The following TRAPPC9 variants were observed in gnomAD, a reference collection of about 807,000 sequenced individuals.
The protein encoded by TRAPPC9 is trafficking protein particle complex subunit 9.
A neutral mutation model predicts 124.0 loss-of-function variants in TRAPPC9; 83 were observed. The ratio of observed to expected loss-of-function variants is 0.67; its 90% confidence interval spans 0.56 to 0.80. The LOEUF is 0.80. Among genes scored for constraint, TRAPPC9 ranks in the 30% least tolerant of loss-of-function variants. TRAPPC9 has a pLI of 0.00. For synonymous variants in TRAPPC9, 638 were observed against 617.5 expected (o/e 1.03, Z -0.49); for missense variants, 1,302 against 1,508.3 (o/e 0.86, Z 2.27).
chr8:140,366,034 G>T (rs757480171), intron 8 of TRAPPC9, among the ~76,000 whole-genome samples: 4 of 152,170 alleles, frequency 2.6e-5, no homozygotes, highest in Non-Finnish European at 4.4e-5. Context: ...TTGGTTTTCT[G>T]TTCCTGCAGT....
At chr8:140,304,478 T>G (rs1303309594) in intron 10 of TRAPPC9, among the ~76,000 whole-genome samples, 1 of 152,044 alleles carries the variant, frequency 6.6e-6, no homozygotes, top group East Asian at 1.9e-4. Flanking sequence ...ATGAAGACAG[T>G]CCCGGATTTG....
intron 6 of TRAPPC9, among the ~76,000 whole-genome samples, chr8:140,399,222 T>C (rs555662964): frequency 4.6e-5 from 7 of 152,238 alleles, no homozygotes; most frequent in Non-Finnish European, 1.0e-4. Flanking sequence ...GCTAGGGCAG[T>C]GCAAAAGGGA....
At chr8:140,367,473 G>GA (rs1469447945) in intron 8 of TRAPPC9, among the ~76,000 whole-genome samples, 3 of 152,186 alleles carry the variant, frequency 2.0e-5, no homozygotes, top group African/African-American at 7.2e-5. Context: ...AAGCCAATTT[G>GA]AAAAGGCTAC....
At chr8:139,792,396 T>G (rs1822755567) in intron 21 of TRAPPC9, among the ~76,000 whole-genome samples, 1 of 152,216 alleles carries the variant, frequency 6.6e-6, no homozygotes, top group South Asian at 2.1e-4. Context: ...GCAGTCTGTG[T>G]GTGCCACACG....
At chr8:140,006,156 C>T (rs555183685) in intron 18 of TRAPPC9, among the ~76,000 whole-genome samples, 16 of 152,250 alleles carry the variant, frequency 1.1e-4, no homozygotes, top group African/African-American at 3.9e-4. Context: ...CAGATGGGAA[C>T]GTGGTGGCAT....
Position 139,732,098 on chromosome 8 carries a change from T to C in TRAPPC9, c.3160A>G (p.Ser1054Gly). The change falls in exon 22 of 23, where the codon AGC (serine) becomes GGC (glycine). Residue 1054 changes from serine to glycine, a missense_variant. This residue lies in a region of TRAPPC9 where 640 missense variants were observed against 679.3 expected (regional missense o/e 0.94). Coordinates refer to ENST00000438773, the MANE Select transcript of TRAPPC9 (RefSeq NM_001160372.4). ...ACAGTGAGGGCGAAGGGCCCTACGC[T>C]GCGCGGGCTCCGGTTGGTCAGCCGC... ...EVRLTNRSPR[S>G]VGPFALTVVP... 2 of 1,606,632 alleles carry C rather than the reference T, an allele frequency of 1.2e-6. No individual in the cohort carries two copies. The highest frequency in any genetic ancestry group is 1.7e-6 in the Non-Finnish European group (2 of 1,176,958).
intron 21 of TRAPPC9, among the ~76,000 whole-genome samples, chr8:139,784,296 C>G (rs1822027538): frequency 6.6e-6 from 1 of 152,088 alleles, no homozygotes; most frequent in East Asian, 1.9e-4. Flanking sequence ...CATATAGGCC[C>G]AGCGCAGTGG....
intron 19 of TRAPPC9, among the ~76,000 whole-genome samples, chr8:139,913,741 G>A (rs79410555): frequency 0.016 from 2,501 of 152,292 alleles, 39 homozygotes; most frequent in Non-Finnish European, 0.024. Context: ...AAGAAATCGA[G>A]TGACTCACCT....
chr8:139,959,946 A>G (rs1458679248), intron 19 of TRAPPC9, among the ~76,000 whole-genome samples: 1 of 152,204 alleles, frequency 6.6e-6, no homozygotes, highest in Non-Finnish European at 1.5e-5. Context: ...ACAGAGAGCA[A>G]GGGCTGTGGG....
At chr8:140,259,892 C>G (rs1030240468) in intron 15 of TRAPPC9, among the ~76,000 whole-genome samples, 4 of 152,192 alleles carry the variant, frequency 2.6e-5, no homozygotes, top group Non-Finnish European at 4.4e-5. Flanking sequence ...AGACATCACG[C>G]TTAGAACAGA....
chr8:140,034,733 C>T (rs1840765040), intron 17 of TRAPPC9, among the ~76,000 whole-genome samples: 1 of 152,254 alleles, frequency 6.6e-6, no homozygotes, highest in Non-Finnish European at 1.5e-5. Context: ...AGTCCTACCA[C>T]AATGCAGCAC....
chr8:140,328,086 C>G (rs1415828186), intron 9 of TRAPPC9, among the ~76,000 whole-genome samples: 1 of 152,096 alleles, frequency 6.6e-6, no homozygotes, highest in African/African-American at 2.4e-5. Context: ...GAAACCCCAT[C>G]TCTACTAAAA....
At chr8:140,201,670 TAC>T (rs2062792967) in intron 17 of TRAPPC9, among the ~76,000 whole-genome samples, 2 of 152,220 alleles carry the variant, frequency 1.3e-5, no homozygotes, top group Non-Finnish European at 2.9e-5. Flanking sequence ...AATTTAAAAA[TAC>T]AGTCATACTC....
In TRAPPC9 at chr8:139,995,861, TAA is replaced by T. The variant is rs35970083; in HGVS notation, c.2700-7027_2700-7026del. Among the ~76,000 whole-genome samples, 194 of 96,878 alleles carry T rather than the reference TAA, an allele frequency of 2.0e-3. 1 individual carries two copies. The highest frequency in any genetic ancestry group is 7.8e-3 in the African/African-American group (169 of 21,712). 63.6% of individuals were successfully genotyped at this position (96,878 alleles called of 152,430 possible). A position where few individuals can be genotyped will look rare whatever the true frequency, so the allele number is the denominator to read the frequency against. ...ACAGCCTGCAAAAGGTACTCTGCAT[TAA>T]AAAAAAAAAAAAAAAAAAAAGTACC... On this transcript the variant is annotated intron_variant, in intron 18 of 22. Transcript: ENST00000438773.
chr8:140,131,440 A>G (rs2061206751), intron 17 of TRAPPC9, among the ~76,000 whole-genome samples: 3 of 152,222 alleles, frequency 2.0e-5, no homozygotes, highest in Non-Finnish European at 4.4e-5. Context: ...GACATAGTTC[A>G]TCTGGCCCCT....
chr8:140,289,710 C>G (rs997248116), intron 12 of TRAPPC9, among the ~76,000 whole-genome samples: 2 of 151,936 alleles, frequency 1.3e-5, no homozygotes, highest in African/African-American at 4.8e-5. Context: ...TAAGAAAGAG[C>G]AGCAGGCATT....
chr8:140,118,270 G>T (rs1028067654), intron 17 of TRAPPC9, among the ~76,000 whole-genome samples: 1 of 152,220 alleles, frequency 6.6e-6, no homozygotes, highest in African/African-American at 2.4e-5. Context: ...AGTCCAGCTA[G>T]AACAAAGCAA....
chr8:140,079,301 A>G (rs1843680882), intron 17 of TRAPPC9, among the ~76,000 whole-genome samples: 1 of 152,180 alleles, frequency 6.6e-6, no homozygotes, highest in Non-Finnish European at 1.5e-5. Flanking sequence ...AGATGGCCAG[A>G]AGCAACAAAG....
intron 21 of TRAPPC9, among the ~76,000 whole-genome samples, chr8:139,772,605 G>A (rs1317706624): frequency 6.6e-6 from 1 of 152,200 alleles, no homozygotes; most frequent in Non-Finnish European, 1.5e-5. Context: ...GGCCACAGCT[G>A]AGCCCAGGGG....
Sources: gnomAD v4.1 joint callset for allele counts (sites outside exome capture counted in the v4.1 genomes callset) on GRCh38, gnomAD v4.1.1 for gene constraint, gnomAD v4.1.1 regional missense constraint, MANE v1.5 for transcripts, NCBI Gene and HGNC (gene_info 2026-07-23, HGNC 2026-07-21) for gene names.